Variants in ZNF704 observed in about 807,000 individuals in gnomAD.
ZNF704 encodes the protein zinc finger protein 704.
A neutral mutation model predicts 44.7 loss-of-function variants in ZNF704; 10 were observed. The ratio of observed to expected loss-of-function variants is 0.22; its 90% confidence interval spans 0.14 to 0.38. The LOEUF (loss-of-function observed/expected upper bound fraction) is 0.38. ZNF704 is among the 10% of genes least tolerant of loss of function. ZNF704 has a pLI of 1.00. For missense variants in ZNF704, 390 were observed against 545.5 expected, an observed-to-expected ratio of 0.71 and a Z score of 2.84; for synonymous variants, 211 against 207.6, an observed-to-expected ratio of 1.02 and a Z score of -0.14.
chr8:80,652,994 G>A (rs1817948081), intron 7 of ZNF704, among the ~76,000 whole-genome samples: 1 of 152,122 alleles, frequency 6.6e-6, no homozygotes, highest in Admixed American at 6.5e-5. Flanking sequence ...TTCATCCCTG[G>A]GATGCAAGGC....
intron 2 of ZNF704, among the ~76,000 whole-genome samples, chr8:80,810,538 C>A (rs1249644655): frequency 1.3e-5 from 2 of 152,056 alleles, no homozygotes; most frequent in Admixed American, 1.3e-4. Context: ...TCCAAGCCTA[C>A]AGTATGTTTA....
At chr8:80,651,250 T>C (rs989300049) in intron 7 of ZNF704, among the ~76,000 whole-genome samples, 1 of 152,174 alleles carries the variant, frequency 6.6e-6, no homozygotes, top group Admixed American at 6.5e-5. Flanking sequence ...AGGAAGAAAC[T>C]GCATCAAGTA....
intron 2 of ZNF704, among the ~76,000 whole-genome samples, chr8:80,752,614 T>G (rs2131707661): frequency 6.6e-6 from 1 of 152,158 alleles, no homozygotes; most frequent in East Asian, 1.9e-4. Flanking sequence ...TGATTTTGGC[T>G]CACTGCAACT....
At chr8:80,866,365 T>TCG (rs1458365854) in intron 1 of ZNF704, among the ~76,000 whole-genome samples, 2 of 152,192 alleles carry the variant, frequency 1.3e-5, no homozygotes, top group Non-Finnish European at 2.9e-5. Flanking sequence ...ATCCTGTGTG[T>TCG]ACAGCAGGAA....
rs1563499379 is a variant in ZNF704, at chr8:80,639,244, T to TA, written c.*2121dup. On this transcript the variant is annotated 3_prime_UTR_variant, in exon 9 of 9. Transcript: ENST00000327835. ...CATTTAAACACATGGTGAACTTGTT[T>TA]AAACAGGTGACAAGCTCTGGCCGCC... The TA allele has an allele frequency of 6.6e-6, 1 of 152,254 alleles. No homozygotes were observed. Among genetic ancestry groups the TA allele is most frequent in the Non-Finnish European group, 1.5e-5 (1 of 68,054 alleles). 9.4% of individuals were successfully genotyped at this position (152,254 alleles called of 1,614,324 possible).
At chr8:80,846,314 A>T (rs1808766212) in intron 1 of ZNF704, among the ~76,000 whole-genome samples, 1 of 152,162 alleles carries the variant, frequency 6.6e-6, no homozygotes, top group Admixed American at 6.6e-5. Flanking sequence ...ACCTTAAGAC[A>T]TAATTGATAT....
At chr8:80,649,615 G>A (rs1585921709) in intron 7 of ZNF704, among the ~76,000 whole-genome samples, 2 of 152,320 alleles carry the variant, frequency 1.3e-5, no homozygotes, top group South Asian at 4.1e-4. Context: ...TGAGGCTGGG[G>A]AGGGGCACCC....
chr8:80,836,321 G>C (rs1808582253), intron 1 of ZNF704, among the ~76,000 whole-genome samples: 1 of 151,972 alleles, frequency 6.6e-6, no homozygotes, highest in African/African-American at 2.4e-5. Flanking sequence ...TCATCTTCCT[G>C]CAGGGTTCTT....
At chr8:80,693,931 TAGA>T (rs916882105) in intron 2 of ZNF704, among the ~76,000 whole-genome samples, 2 of 151,924 alleles carry the variant, frequency 1.3e-5, no homozygotes, top group African/African-American at 2.4e-5. Context: ...GAAGGTAGAA[TAGA>T]AGGAGGGAGG....
intron 4 of ZNF704, among the ~76,000 whole-genome samples, chr8:80,682,091 CT>C (rs1818462836): frequency 6.6e-6 from 1 of 152,194 alleles, no homozygotes. Context: ...AACAGCCGTT[CT>C]TTTTGCAAGA....
chr8:80,820,007 C>G (rs1441829909), intron 2 of ZNF704, among the ~76,000 whole-genome samples: 1 of 152,212 alleles, frequency 6.6e-6, no homozygotes, highest in African/African-American at 2.4e-5. Context: ...TTAGAAACCA[C>G]TTGGACAAAT....
intron 1 of ZNF704, among the ~76,000 whole-genome samples, chr8:80,870,729 T>C (rs1809237474): frequency 6.6e-6 from 1 of 152,100 alleles, no homozygotes; most frequent in Non-Finnish European, 1.5e-5. Context: ...TCTCCTCTCT[T>C]GGCCCCCTGC....
rs907766009 is a variant in ZNF704 at position 80,640,266 on chromosome 8, T to C, written c.*1100A>G. The C allele has an allele frequency of 6.6e-6, 1 of 152,630 alleles. No individual in the cohort carries two copies. Among genetic ancestry groups the C allele is most frequent in the African/African-American group, 2.4e-5 (1 of 41,444 alleles). The allele number at this position is 152,630 out of a possible 1,614,324, so 9.5% of individuals were successfully genotyped here. On this transcript the variant is annotated 3_prime_UTR_variant, in exon 9 of 9. Coordinates refer to ENST00000327835, the MANE Select transcript of ZNF704 (RefSeq NM_001033723.3). ...TGCTAAAGCATAAAACCTATAAAAG[T>C]GCACTCAGAATGGAAGTGGTTTGTT...
chr8:80,748,075 C>G (rs530129677), intron 2 of ZNF704, among the ~76,000 whole-genome samples: 14 of 152,306 alleles, frequency 9.2e-5, no homozygotes, highest in Admixed American at 3.3e-4. Context: ...CAGCAATTCT[C>G]CTACAAACGG....
intron 2 of ZNF704, among the ~76,000 whole-genome samples, chr8:80,699,891 C>T (rs1818782949): frequency 6.6e-6 from 1 of 152,190 alleles, no homozygotes; most frequent in Admixed American, 6.5e-5. Context: ...TGCATGACCT[C>T]ACCCTCTCCC....
chr8:80,724,399 A>G (rs960640144), intron 2 of ZNF704, among the ~76,000 whole-genome samples: 3 of 152,256 alleles, frequency 2.0e-5, no homozygotes, highest in African/African-American at 7.2e-5. Context: ...GCTGGGTTTA[A>G]GCTCATCCAA....
intron 2 of ZNF704, among the ~76,000 whole-genome samples, chr8:80,796,245 G>A (rs989050601): frequency 1.3e-5 from 2 of 152,180 alleles, no homozygotes; most frequent in Non-Finnish European, 2.9e-5. Flanking sequence ...CTGCAGAGTC[G>A]TAAGGCAGCA....
chr8:80,811,736 A>G (rs776797658), intron 2 of ZNF704, among the ~76,000 whole-genome samples: 1 of 152,210 alleles, frequency 6.6e-6, no homozygotes, highest in Non-Finnish European at 1.5e-5. Context: ...AAAAGGAGTG[A>G]ATTGTGTACA....
intron 1 of ZNF704, among the ~76,000 whole-genome samples, chr8:80,825,784 A>T (rs1053101055): frequency 5.9e-5 from 9 of 152,062 alleles, no homozygotes; most frequent in African/African-American, 2.2e-4. Flanking sequence ...ACTCAAAACC[A>T]CTCAACTACA....
Sources: allele counts gnomAD v4.1 joint callset (sites outside exome capture counted in the v4.1 genomes callset), GRCh38; gene constraint gnomAD v4.1.1; transcripts MANE v1.5; gene names NCBI Gene and HGNC (gene_info 2026-07-23, HGNC 2026-07-21).